Variants in TTC33 observed in about 807,000 individuals in gnomAD.
TTC33 encodes tetratricopeptide repeat protein 33.
TTC33 carries 24 observed loss-of-function variants against 29.4 expected under a neutral mutation model. The ratio of observed to expected loss-of-function variants is 0.82; its 90% confidence interval spans 0.59 to 1.15. The LOEUF (loss-of-function observed/expected upper bound fraction) is 1.15, where lower values mean the gene tolerates loss of function less well. TTC33 is among the 50% of genes most tolerant of loss of function. The probability of loss-of-function intolerance (pLI) is 0.00; values close to 1 mark genes in which losing one functional copy is unlikely to be tolerated. For missense variants in TTC33, 286 were observed against 310.4 expected, an observed-to-expected ratio of 0.92 and a Z score of 0.59; for synonymous variants, 107 against 100.3, an observed-to-expected ratio of 1.07 and a Z score of -0.40.
At chr5:40,730,025 G>A (rs765173689) in intron 3 of TTC33, among the ~76,000 whole-genome samples, 52 of 152,118 alleles carry the variant, frequency 3.4e-4, no homozygotes, top group Non-Finnish European at 4.7e-4. Flanking sequence ...GATAGCCACC[G>A]ATTCCTATCT....
intron 4 of TTC33, among the ~76,000 whole-genome samples, chr5:40,718,700 C>T (rs937602557): frequency 2.6e-5 from 4 of 151,262 alleles, no homozygotes; most frequent in Non-Finnish European, 5.9e-5. Context: ...ATTGCACCAC[C>T]GCACTTCAGC....
chr5:40,730,290 T>C lies in TTC33; in HGVS notation c.275A>G (p.Asp92Gly). ...WDEALQLTPN[D>G]ATLYEMKSQV... Reference sequence around the variant, plus strand: ...TGATTTCATCTCGTATAGGGTAGCATCATTTGGAGTTAACTGTAGTGCTTC... The same window carrying C: ...TGATTTCATCTCGTATAGGGTAGCACCATTTGGAGTTAACTGTAGTGCTTC... Residue 92 changes from aspartate (D) to glycine (G), a missense_variant, in exon 3 of 5, where the codon GAT (aspartate) becomes GGT (glycine). Asp to Gly is a moderately conservative substitution (Grantham distance 94). Coordinates refer to ENST00000337702, the MANE Select transcript of TTC33 (RefSeq NM_012382.3). 5 of 1,612,000 alleles carry C rather than the reference T, an allele frequency of 3.1e-6. No homozygotes were observed. The highest frequency in any genetic ancestry group is 4.2e-6 in the Non-Finnish European group (5 of 1,178,694).
rs775923758 is a variant in TTC33 at position 40,713,938 on chromosome 5, T to C, written c.*2207A>G. Among the ~76,000 whole-genome samples the C allele has an allele frequency of 2.0e-5, 3 of 152,342 alleles. No individual in the cohort carries two copies. The highest frequency in any genetic ancestry group is 1.9e-4 in the East Asian group (1 of 5,190). On this transcript the variant is annotated 3_prime_UTR_variant, in exon 5 of 5. Coordinates refer to ENST00000337702, the MANE Select transcript of TTC33 (RefSeq NM_012382.3). ...AAGAGTATGAGCTAAAATAAGCATT[T>C]TGAGGGGCCTGCAGAAATGAGCTGC... is the stretch of plus-strand genomic sequence containing the variant.
chr5:40,734,140 T>A (rs966038871), intron 2 of TTC33, among the ~76,000 whole-genome samples: 4 of 152,220 alleles, frequency 2.6e-5, no homozygotes, highest in African/African-American at 4.8e-5. Flanking sequence ...TTCACTATCA[T>A]CAACTTATTC....
At position 40,713,762 on chromosome 5, in the gene TTC33, G is replaced by C. The variant is rs1192912648; in HGVS notation, c.*2383C>G. On this transcript the variant is annotated 3_prime_UTR_variant, in exon 5 of 5. Coordinates refer to ENST00000337702, the MANE Select transcript of TTC33 (RefSeq NM_012382.3). ...ACAGTAAACAGTGTTATTTCAGAAA[G>C]TATATTAAACATCTATATCATTATC... is the stretch of plus-strand genomic sequence containing the variant. Among the ~76,000 whole-genome samples, 1 of 152,102 alleles carries C rather than the reference G, an allele frequency of 6.6e-6. No individual in the cohort carries two copies. The highest frequency in any genetic ancestry group is 1.5e-5 in the Non-Finnish European group (1 of 68,004).
chr5:40,722,236 G>A (rs1386707426), intron 4 of TTC33, among the ~76,000 whole-genome samples: 1 of 152,122 alleles, frequency 6.6e-6, no homozygotes, highest in Non-Finnish European at 1.5e-5. Flanking sequence ...ATGTTGCCCA[G>A]GCGTGATCTC....
intron 2 of TTC33, among the ~76,000 whole-genome samples, chr5:40,736,567 T>C (rs988703445): frequency 5.3e-5 from 8 of 152,122 alleles, no homozygotes; most frequent in Non-Finnish European, 1.5e-5. Flanking sequence ...TTTGTAATAA[T>C]TCTAGAAAAA....
chr5:40,717,324 T>C (rs753291645), intron 4 of TTC33, among the ~76,000 whole-genome samples: 2 of 152,130 alleles, frequency 1.3e-5, no homozygotes, highest in Non-Finnish European at 2.9e-5. Context: ...AGTACTATTT[T>C]AGAGAAGCAC....
At chr5:40,750,039 G>A (rs1392793539) in intron 1 of TTC33, among the ~76,000 whole-genome samples, 3 of 149,272 alleles carry the variant, frequency 2.0e-5, no homozygotes, top group African/African-American at 7.5e-5. Flanking sequence ...AGTGAGCTGA[G>A]ATTGCACCAC....
At chr5:40,721,634 G>T (rs1431766168) in intron 4 of TTC33, among the ~76,000 whole-genome samples, 1 of 151,812 alleles carries the variant, frequency 6.6e-6, no homozygotes, top group East Asian at 1.9e-4. Context: ...TTAAATGTAA[G>T]ACCTGAAGCT....
At chr5:40,741,586 C>T (rs1390867767) in intron 2 of TTC33, among the ~76,000 whole-genome samples, 1 of 152,202 alleles carries the variant, frequency 6.6e-6, no homozygotes, top group Non-Finnish European at 1.5e-5. Flanking sequence ...CTAGCTGTGT[C>T]AGCCTCTCCA....
chr5:40,749,810 C>A (rs1742860473), intron 1 of TTC33, among the ~76,000 whole-genome samples: 1 of 152,186 alleles, frequency 6.6e-6, no homozygotes, highest in Non-Finnish European at 1.5e-5. Context: ...ACATGCCTTG[C>A]TAGGTGCAGT....
intron 2 of TTC33, among the ~76,000 whole-genome samples, chr5:40,740,115 A>G (rs1742662046): frequency 6.6e-6 from 1 of 152,114 alleles, no homozygotes; most frequent in Admixed American, 6.6e-5. Context: ...CAATTGTTAT[A>G]TATTTACTTC....
chr5:40,734,245 A>C (rs1268546661), intron 2 of TTC33, among the ~76,000 whole-genome samples: 1 of 152,238 alleles, frequency 6.6e-6, no homozygotes, highest in Non-Finnish European at 1.5e-5. Flanking sequence ...AGATCACAGG[A>C]AACTTGGCAC....
At chr5:40,744,583 T>A (rs1742757454) in intron 2 of TTC33, among the ~76,000 whole-genome samples, 1 of 151,160 alleles carries the variant, frequency 6.6e-6, no homozygotes, top group South Asian at 2.1e-4. Flanking sequence ...CAACACCACA[T>A]GGAAGATACC....
intron 1 of TTC33, among the ~76,000 whole-genome samples, chr5:40,755,158 T>TA (rs1181868088): frequency 2.0e-5 from 3 of 152,150 alleles, no homozygotes; most frequent in Non-Finnish European, 2.9e-5. Flanking sequence ...AAGATCCCTA[T>TA]AGTAGGCGCT....
Position 40,730,120 on chromosome 5 carries a change from T to A in TTC33, c.303+142A>T, listed in dbSNP as rs538430946. The stretch of plus-strand genomic sequence containing the variant: ...TTTATGCATAAGACAGAACCATAAA[T>A]AATGGTGAAATATTTTTTCCCAAAG... On this transcript the variant is annotated intron_variant, in intron 3 of 4. Coordinates refer to ENST00000337702, the MANE Select transcript of TTC33 (RefSeq NM_012382.3). 1.6e-4 allele frequency: 99 copies of A among 620,344 alleles called. No individual in the cohort carries two copies. The African/African-American group carries it at 1.6e-3, about 10-fold the overall frequency. The allele number at this position is 620,344 out of a possible 1,614,324, so 38.4% of individuals were successfully genotyped here.
chr5:40,751,746 C>A (rs112203776), intron 1 of TTC33, among the ~76,000 whole-genome samples: 1 of 152,130 alleles, frequency 6.6e-6, no homozygotes, highest in Non-Finnish European at 1.5e-5. Flanking sequence ...ATCACAAGGT[C>A]AAGAGATAGA....
chr5:40,745,513 G>A (rs191360927), intron 2 of TTC33, among the ~76,000 whole-genome samples: 2 of 151,872 alleles, frequency 1.3e-5, no homozygotes, highest in East Asian at 3.9e-4. Context: ...GAGGAAATAC[G>A]AGATTGTCCT....
Sources: allele counts gnomAD v4.1 joint callset (sites outside exome capture counted in the v4.1 genomes callset), GRCh38; gene constraint gnomAD v4.1.1; transcripts MANE v1.5; gene names NCBI Gene and HGNC (gene_info 2026-07-23, HGNC 2026-07-21).